USP12: variants seen among roughly 807,000 people sequenced by gnomAD.
USP12 encodes the protein ubiquitin specific peptidase 12, also known as ubiquitin carboxyl-terminal hydrolase 12.
USP12 carries 19 observed loss-of-function variants against 45.5 expected under a neutral mutation model. The observed-to-expected ratio is 0.42, with a 90% CI of 0.29 to 0.61. The LOEUF (loss-of-function observed/expected upper bound fraction) is 0.61. Among genes scored for constraint, USP12 ranks in the 20% least tolerant of loss-of-function variants. USP12 has a pLI of 0.22. For missense variants in USP12, 242 were observed against 447.7 expected (o/e 0.54, Z 4.15); for synonymous variants, 149 against 148.8 (o/e 1.00, Z -0.01).
intron 6 of USP12, among the ~76,000 whole-genome samples, chr13:27,087,122 TGC>T (rs1312838195): frequency 1.3e-5 from 2 of 151,126 alleles, no homozygotes; most frequent in African/African-American, 2.4e-5. Flanking sequence ...TGTGTGTGTG[TGC>T]GTGTGTGAGA....
chr13:27,101,455 C>T (rs1874858253), intron 3 of USP12, among the ~76,000 whole-genome samples: 1 of 152,212 alleles, frequency 6.6e-6, no homozygotes, highest in Non-Finnish European at 1.5e-5. Context: ...CATTCATTCA[C>T]TCATTCAATA....
intron 1 of USP12, among the ~76,000 whole-genome samples, chr13:27,151,823 CA>C (rs1376594606): frequency 2.0e-5 from 3 of 152,072 alleles, no homozygotes; most frequent in Non-Finnish European, 4.4e-5. Context: ...AAAGACAACT[CA>C]AAGAACAGCC....
chr13:27,119,334 C>T (rs1433680392), intron 1 of USP12, among the ~76,000 whole-genome samples: 1 of 152,188 alleles, frequency 6.6e-6, no homozygotes, highest in Non-Finnish European at 1.5e-5. Context: ...CTGTACTCCC[C>T]CACACGGCCT....
chr13:27,115,074 T>C (rs1423625807), intron 2 of USP12, among the ~76,000 whole-genome samples: 1 of 152,176 alleles, frequency 6.6e-6, no homozygotes, highest in Non-Finnish European at 1.5e-5. Context: ...CTGTGGCCCC[T>C]GTAGATATGT....
intron 1 of USP12, among the ~76,000 whole-genome samples, chr13:27,138,296 G>A (rs1002744175): frequency 6.6e-6 from 1 of 152,180 alleles, no homozygotes; most frequent in Non-Finnish European, 1.5e-5. Context: ...GAAGAAAGAG[G>A]CTAACAAATC....
chr13:27,166,463 G>C (rs1813001721), intron 1 of USP12, among the ~76,000 whole-genome samples: 1 of 152,124 alleles, frequency 6.6e-6, no homozygotes, highest in Non-Finnish European at 1.5e-5. Flanking sequence ...TTGGTCAAAA[G>C]TCTAGAATCA....
intron 1 of USP12, among the ~76,000 whole-genome samples, chr13:27,120,830 T>G (rs1373094902): frequency 1.3e-5 from 2 of 152,132 alleles, no homozygotes; most frequent in Non-Finnish European, 2.9e-5. Flanking sequence ...GCCCTTCTGA[T>G]GAAAACAACC....
At chr13:27,103,598 C>CAAA (rs376135830) in intron 3 of USP12, among the ~76,000 whole-genome samples, 4 of 128,740 alleles carry the variant, frequency 3.1e-5, no homozygotes, top group East Asian at 2.3e-4. Context: ...ATTGAACTAT[C>CAAA]AAAAAAAAAA....
chr13:27,104,214 T>A (rs1317736280), intron 3 of USP12, among the ~76,000 whole-genome samples: 1 of 152,128 alleles, frequency 6.6e-6, no homozygotes, highest in Non-Finnish European at 1.5e-5. Flanking sequence ...AAATTTTTTG[T>A]GAGACAAGGT....
intron 1 of USP12, among the ~76,000 whole-genome samples, chr13:27,151,910 A>G (rs1191971471): frequency 2.0e-5 from 3 of 152,250 alleles, no homozygotes; most frequent in Non-Finnish European, 4.4e-5. Flanking sequence ...GCTCAACATC[A>G]TTACTCATCA....
At chr13:27,166,440 A>G (rs1416738559) in intron 1 of USP12, among the ~76,000 whole-genome samples, 1 of 152,198 alleles carries the variant, frequency 6.6e-6, no homozygotes, top group African/African-American at 2.4e-5. Context: ...AGGCAGACTC[A>G]GTTTGGGGGG....
At chr13:27,160,733 T>C (rs1878065062) in intron 1 of USP12, among the ~76,000 whole-genome samples, 1 of 152,010 alleles carries the variant, frequency 6.6e-6, no homozygotes, top group Non-Finnish European at 1.5e-5. Flanking sequence ...TGAAACCACT[T>C]GATTCCTATT....
chr13:27,165,350 T>C (rs578195915), intron 1 of USP12, among the ~76,000 whole-genome samples: 1 of 152,350 alleles, frequency 6.6e-6, no homozygotes, highest in Non-Finnish European at 1.5e-5. Context: ...TATATACTAC[T>C]AATAAACTAA....
intron 8 of USP12, among the ~76,000 whole-genome samples, chr13:27,070,368 G>T (rs1873190059): frequency 6.6e-6 from 1 of 152,186 alleles, no homozygotes; most frequent in Non-Finnish European, 1.5e-5. Context: ...AAAATGAATT[G>T]TATCTTGACC....
At chr13:27,086,292 CA>C (rs1874042458) in intron 6 of USP12, among the ~76,000 whole-genome samples, 1 of 144,552 alleles carries the variant, frequency 6.9e-6, no homozygotes, top group African/African-American at 2.5e-5. Flanking sequence ...TACACACACA[CA>C]CACACACACA....
At chr13:27,170,806 T>C (rs1026977653) in intron 1 of USP12, among the ~76,000 whole-genome samples, 4 of 152,208 alleles carry the variant, frequency 2.6e-5, no homozygotes, top group African/African-American at 9.7e-5. Flanking sequence ...GGAAAGCTAA[T>C]GCTGCTTTTC....
At chr13:27,105,004 A>G (rs554908811) in intron 3 of USP12, among the ~76,000 whole-genome samples, 3 of 152,218 alleles carry the variant, frequency 2.0e-5, no homozygotes, top group Admixed American at 6.5e-5. Context: ...CTGGGCTTAC[A>G]TATCAGGGAG....
chr13:27,089,906 G>C lies in USP12; in HGVS notation c.711C>G (p.Arg237=). Reference sequence around the variant, plus strand: ...ACCGTTTGTGTGCTTCCTGTTTGCTGCGACACTCTTCACAGTAATACTTGT... The same window carrying C: ...ACCGTTTGTGTGCTTCCTGTTTGCTCCGACACTCTTCACAGTAATACTTGT... ...SEYKYYCEEC[R]SKQEAHKRMK... is the part of the protein sequence containing the mutation. The change falls in exon 6 of 9, where the codon CGC becomes CGG. Residue 237 remains arginine (R), a synonymous_variant. Coordinates refer to ENST00000282344, the MANE Select transcript of USP12 (RefSeq NM_182488.4). The C allele has an allele frequency of 6.2e-7, 1 of 1,610,482 alleles. No homozygotes were observed. Among genetic ancestry groups the C allele is most frequent in the Non-Finnish European group, 8.5e-7 (1 of 1,178,574 alleles).
chr13:27,155,305 T>C (rs1196804369), intron 1 of USP12, among the ~76,000 whole-genome samples: 1 of 151,776 alleles, frequency 6.6e-6, no homozygotes, highest in Non-Finnish European at 1.5e-5. Context: ...ATGGTCTTGA[T>C]CTCCTGACCT....
Sources: allele counts gnomAD v4.1 joint callset (sites outside exome capture counted in the v4.1 genomes callset), GRCh38; gene constraint gnomAD v4.1.1; transcripts MANE v1.5; gene names NCBI Gene and HGNC (gene_info 2026-07-23, HGNC 2026-07-21).